Variants in BMPR1B observed in about 807,000 individuals in gnomAD.
BMPR1B encodes bone morphogenetic protein receptor type-1B.
A neutral mutation model predicts 59.1 loss-of-function variants in BMPR1B; 12 were observed. The ratio of observed to expected loss-of-function variants is 0.20; its 90% CI spans 0.13 to 0.33. The LOEUF is 0.33. Among genes scored for constraint, BMPR1B ranks in the 10% least tolerant of loss-of-function variants. The probability of loss-of-function intolerance (pLI) is 1.00; values close to 1 mark genes in which losing one functional copy is unlikely to be tolerated. For synonymous variants in BMPR1B, 237 were observed against 207.3 expected (o/e 1.14, Z -1.23); for missense variants, 550 against 610.9 (o/e 0.90, Z 1.05).
intron 3 of BMPR1B, among the ~76,000 whole-genome samples, chr4:95,069,027 A>G (rs1002525792): frequency 1.3e-5 from 2 of 152,200 alleles, no homozygotes; most frequent in Non-Finnish European, 2.9e-5. Flanking sequence ...TTAGGTTTTT[A>G]CCAATAGGAA....
intron 3 of BMPR1B, among the ~76,000 whole-genome samples, chr4:95,037,878 A>G (rs541581170): frequency 1.0e-3 from 153 of 152,290 alleles, no homozygotes; most frequent in Non-Finnish European, 1.8e-3. Context: ...GGGGGAACGT[A>G]AGTGGACAAA....
chr4:94,791,577 A>G (rs1379305813), intron 1 of BMPR1B, among the ~76,000 whole-genome samples: 2 of 152,156 alleles, frequency 1.3e-5, no homozygotes, highest in African/African-American at 2.4e-5. Flanking sequence ...TTACTTGACT[A>G]TTTTTTAAAA....
chr4:95,101,892 G>A (rs1730851295), intron 3 of BMPR1B, among the ~76,000 whole-genome samples: 1 of 151,990 alleles, frequency 6.6e-6, no homozygotes, highest in Non-Finnish European at 1.5e-5. Context: ...TTTTATTTTA[G>A]TGTCTCCTCC....
intron 2 of BMPR1B, among the ~76,000 whole-genome samples, chr4:94,898,084 C>G (rs1727659280): frequency 6.6e-6 from 1 of 150,930 alleles, no homozygotes. Flanking sequence ...ATAGCTGGGA[C>G]TACACGTGCA....
chr4:95,012,304 C>T (rs1223241044), intron 3 of BMPR1B, among the ~76,000 whole-genome samples: 1 of 152,028 alleles, frequency 6.6e-6, no homozygotes, highest in African/African-American at 2.4e-5. Context: ...ACAAAGGTTT[C>T]AATACCTATT....
At chr4:95,153,513 G>T (rs760252623) in intron 12 of BMPR1B, among the ~76,000 whole-genome samples, 9 of 152,102 alleles carry the variant, frequency 5.9e-5, no homozygotes, top group Non-Finnish European at 1.0e-4. Flanking sequence ...GCACTGCAAA[G>T]GGGGGACAGA....
At chr4:94,936,374 A>G (rs1040432682) in intron 2 of BMPR1B, among the ~76,000 whole-genome samples, 1 of 152,292 alleles carries the variant, frequency 6.6e-6, no homozygotes, top group East Asian at 1.9e-4. Context: ...TAGTGGCCAA[A>G]TAGGATGAGT....
chr4:94,969,381 C>T (rs561022739), intron 2 of BMPR1B, among the ~76,000 whole-genome samples: 5 of 152,124 alleles, frequency 3.3e-5, no homozygotes, highest in Non-Finnish European at 4.4e-5. Flanking sequence ...CCCATCACTG[C>T]GATCGCAGTC....
At chr4:94,872,807 C>T (rs1726555052) in intron 1 of BMPR1B, among the ~76,000 whole-genome samples, 1 of 152,196 alleles carries the variant, frequency 6.6e-6, no homozygotes, top group African/African-American at 2.4e-5. Flanking sequence ...CAATTACTTA[C>T]ATAATGCTTT....
chr4:95,044,023 T>C (rs112084237), intron 3 of BMPR1B, among the ~76,000 whole-genome samples: 5 of 152,328 alleles, frequency 3.3e-5, no homozygotes, highest in African/African-American at 1.2e-4. Context: ...ATGATTGTTA[T>C]AAAAGAAAAT....
chr4:95,058,129 G>A (rs1316711545), intron 3 of BMPR1B, among the ~76,000 whole-genome samples: 1 of 152,142 alleles, frequency 6.6e-6, no homozygotes, highest in East Asian at 1.9e-4. Flanking sequence ...AATGGTAGTT[G>A]CAAACTATAT....
intron 1 of BMPR1B, among the ~76,000 whole-genome samples, chr4:94,859,395 C>T (rs1483774578): frequency 6.6e-6 from 1 of 152,150 alleles, no homozygotes; most frequent in East Asian, 1.9e-4. Context: ...TTACAGCACG[C>T]AATACCCTTC....
intron 10 of BMPR1B, among the ~76,000 whole-genome samples, chr4:95,135,576 A>T (rs1430568912): frequency 6.6e-6 from 1 of 152,178 alleles, no homozygotes; most frequent in Non-Finnish European, 1.5e-5. Context: ...GAGGTCCTTC[A>T]CATCCCTTGT....
intron 2 of BMPR1B, among the ~76,000 whole-genome samples, chr4:94,905,798 T>C (rs1728015096): frequency 6.6e-6 from 1 of 152,032 alleles, no homozygotes; most frequent in African/African-American, 2.4e-5. Context: ...AGTATCCCTG[T>C]CTCTCTGATT....
chr4:94,926,300 G>A (rs574324619), intron 2 of BMPR1B, among the ~76,000 whole-genome samples: 1 of 151,930 alleles, frequency 6.6e-6, no homozygotes, highest in East Asian at 1.9e-4. Context: ...CGCAAATTTT[G>A]TATCAGACTC....
At chr4:95,141,525 G>C (rs1734229230) in intron 10 of BMPR1B, among the ~76,000 whole-genome samples, 3 of 152,100 alleles carry the variant, frequency 2.0e-5, no homozygotes. Flanking sequence ...ACGCTGTATT[G>C]GTTTCTTCAT....
chr4:94,774,478 C>G (rs1722296803), intron 1 of BMPR1B, among the ~76,000 whole-genome samples: 1 of 151,894 alleles, frequency 6.6e-6, no homozygotes. Flanking sequence ...GGCAAATCCC[C>G]TTTATGTGGA....
At chr4:94,929,177 C>G (rs562185325) in intron 2 of BMPR1B, among the ~76,000 whole-genome samples, 12 of 152,194 alleles carry the variant, frequency 7.9e-5, no homozygotes, top group Non-Finnish European at 1.5e-4. Flanking sequence ...TTAATTTCCA[C>G]TGAGATTTTG....
chr4:95,131,179 G>A, intron 9 of BMPR1B, 36 bp from the exon 10 acceptor site: 1 of 1,588,668 alleles, frequency 6.3e-7, no homozygotes, highest in Non-Finnish European at 8.6e-7. Flanking sequence ...ATACTATTTG[G>A]AAAACACTAA....
Sources: gnomAD v4.1 joint callset for allele counts (sites outside exome capture counted in the v4.1 genomes callset) on GRCh38, gnomAD v4.1.1 for gene constraint, MANE v1.5 for transcripts, NCBI Gene and HGNC (gene_info 2026-07-23, HGNC 2026-07-21) for gene names.